Variants in STARD13 observed in about 807,000 individuals in gnomAD.
The protein encoded by STARD13 is stAR-related lipid transfer protein 13.
In STARD13, 62 loss-of-function variants were observed where a neutral mutation model predicts 106.4. That is an observed-to-expected ratio of 0.58 (90% confidence interval 0.48 to 0.72). The LOEUF (loss-of-function observed/expected upper bound fraction) is 0.72, where lower values mean the gene tolerates loss of function less well. STARD13 is among the 30% of genes least tolerant of loss of function. STARD13 has a pLI of 0.00. For synonymous variants in STARD13, 565 were observed against 553.0 expected (o/e 1.02, Z -0.31); for missense variants, 1,387 against 1,424.0 (o/e 0.97, Z 0.42).
chr13:33,118,539 A>G (rs2138103911), intron 7 of STARD13, among the ~76,000 whole-genome samples: 1 of 152,346 alleles, frequency 6.6e-6, no homozygotes, highest in African/African-American at 2.4e-5. Flanking sequence ...ATCACACTGC[A>G]GATGTTATTA....
At chr13:33,375,697 G>T in the STARD13 span, among the ~76,000 whole-genome samples, 1 of 152,078 alleles carries the variant, frequency 6.6e-6, no homozygotes, top group Non-Finnish European at 1.5e-5. Flanking sequence ...AAACAGCATG[G>T]AGGTAACCAC....
chr13:33,506,371 C>A, the STARD13 span, among the ~76,000 whole-genome samples: 1 of 152,056 alleles, frequency 6.6e-6, no homozygotes, highest in African/African-American at 2.4e-5. Context: ...CAGACATTTT[C>A]TCAAAAATTA....
the STARD13 span, among the ~76,000 whole-genome samples, chr13:33,650,164 ATTTTTTT>A: frequency 4.8e-4 from 23 of 48,362 alleles, 1 homozygote; most frequent in Admixed American, 2.3e-3. Context: ...CGTGACTCCA[ATTTTTTT>A]TTTTTTTTTT....
the STARD13 span, among the ~76,000 whole-genome samples, chr13:33,446,403 A>T: frequency 2.0e-5 from 3 of 152,080 alleles, no homozygotes; most frequent in African/African-American, 7.2e-5. Flanking sequence ...CTCACATATG[A>T]CTACGTGATG....
intron 3 of STARD13, 145 bp from the exon 4 acceptor site, chr13:33,142,518 A>T (rs1879971983): frequency 2.8e-6 from 2 of 712,134 alleles, no homozygotes; most frequent in Non-Finnish European, 4.8e-6. Context: ...CACAGAAGGT[A>T]TGCTATATAG....
chr13:33,476,285 CT>C, the STARD13 span, among the ~76,000 whole-genome samples: 6 of 152,096 alleles, frequency 3.9e-5, no homozygotes, highest in African/African-American at 1.4e-4. Flanking sequence ...CATTTTATCA[CT>C]GTTGGACCTT....
intron 1 of STARD13, among the ~76,000 whole-genome samples, chr13:33,187,636 T>TAA (rs146942116): frequency 4.0e-5 from 6 of 150,130 alleles, no homozygotes; most frequent in Non-Finnish European, 7.4e-5. Flanking sequence ...TTTACTATGG[T>TAA]AAAAAAAAAA....
At chr13:33,529,054 G>A in the STARD13 span, among the ~76,000 whole-genome samples, 4 of 152,100 alleles carry the variant, frequency 2.6e-5, no homozygotes, top group Non-Finnish European at 5.9e-5. Context: ...TTTTACACAA[G>A]ATATTGACAG....
the STARD13 span, among the ~76,000 whole-genome samples, chr13:33,367,384 T>C: frequency 6.6e-6 from 1 of 152,134 alleles, no homozygotes; most frequent in African/African-American, 2.4e-5. Context: ...AGTTAATCAA[T>C]GACACATACA....
At chr13:33,491,538 C>A in the STARD13 span, among the ~76,000 whole-genome samples, 3 of 152,074 alleles carry the variant, frequency 2.0e-5, no homozygotes, top group Non-Finnish European at 4.4e-5. Flanking sequence ...ATCTGTGAGA[C>A]CTTGGGGGTT....
chr13:33,595,723 C>T, the STARD13 span, among the ~76,000 whole-genome samples: 1 of 152,144 alleles, frequency 6.6e-6, no homozygotes, highest in Admixed American at 6.5e-5. Context: ...AATAATAAAT[C>T]TGCAATTTGG....
the STARD13 span, among the ~76,000 whole-genome samples, chr13:33,649,022 G>T: frequency 6.6e-6 from 1 of 151,672 alleles, no homozygotes; most frequent in African/African-American, 2.4e-5. Flanking sequence ...TTGAACTCCC[G>T]ACCTGAGGTG....
chr13:33,622,849 G>A, the STARD13 span, among the ~76,000 whole-genome samples: 1 of 146,464 alleles, frequency 6.8e-6, no homozygotes, highest in Non-Finnish European at 1.5e-5. Flanking sequence ...GAACCAGGGA[G>A]TCAGAGGTTG....
In STARD13 at chr13:33,265,157, G is replaced by A. The variant is rs141282532; in HGVS notation, c.169+20313C>T. On this transcript the variant is annotated intron_variant, in intron 1 of 13. Coordinates refer to ENST00000336934, the MANE Select transcript of STARD13 (RefSeq NM_178006.4). Reference sequence around the variant, plus strand: ...ATCTCATTTAATTTGGATTTAACCTGCAGCTAGAGATTCAGAATCTGAACT... The same window carrying A: ...ATCTCATTTAATTTGGATTTAACCTACAGCTAGAGATTCAGAATCTGAACT... Among the ~76,000 whole-genome samples, 15 of 152,278 alleles carry A rather than the reference G, an allele frequency of 9.9e-5. No individual in the cohort carries two copies. The East Asian group carries it at 2.9e-3, about 29-fold the overall frequency.
the STARD13 span, among the ~76,000 whole-genome samples, chr13:33,418,773 T>A: frequency 6.6e-6 from 1 of 152,202 alleles, no homozygotes; most frequent in Non-Finnish European, 1.5e-5. Context: ...TTTGCTCTTC[T>A]GCAATATTTG....
chr13:33,635,091 C>T, the STARD13 span, among the ~76,000 whole-genome samples: 4,677 of 152,246 alleles, frequency 0.031, 76 homozygotes, highest in African/African-American at 0.051. Flanking sequence ...GGATATGGAT[C>T]GCTTACGAAG....
At chr13:33,402,602 C>T in the STARD13 span, among the ~76,000 whole-genome samples, 1 of 152,214 alleles carries the variant, frequency 6.6e-6, no homozygotes, top group Admixed American at 6.5e-5. Context: ...GCCTTTTGGC[C>T]TGCCATATCC....
chr13:33,189,451 G>C, intron 1 of STARD13, among the ~76,000 whole-genome samples: 1 of 125,440 alleles, frequency 8.0e-6, no homozygotes, highest in African/African-American at 3.0e-5. Flanking sequence ...AGGAGGGAAA[G>C]CAGGAGGAAA....
chr13:33,487,452 A>C, the STARD13 span, among the ~76,000 whole-genome samples: 1 of 152,212 alleles, frequency 6.6e-6, no homozygotes, highest in Admixed American at 6.5e-5. Flanking sequence ...AGGAGACATT[A>C]GTATATTTTA....
Sources: gnomAD v4.1 joint callset for allele counts (sites outside exome capture counted in the v4.1 genomes callset) on GRCh38, gnomAD v4.1.1 for gene constraint, MANE v1.5 for transcripts, NCBI Gene and HGNC (gene_info 2026-07-23, HGNC 2026-07-21) for gene names.